ASAH2: variants seen among roughly 807,000 people sequenced by gnomAD.
ASAH2 encodes neutral ceramidase.
Under a neutral mutation model 82.9 loss-of-function variants are expected in ASAH2, and 58 were observed. The ratio of observed to expected loss-of-function variants is 0.70; its 90% CI spans 0.57 to 0.87. ASAH2 has a LOEUF of 0.87. Ranked by LOEUF, ASAH2 falls within the 40% of genes least tolerant of loss-of-function variation. The pLI, the probability that ASAH2 is intolerant of heterozygous loss-of-function variation, is 0.00. For missense variants in ASAH2, 779 were observed against 834.0 expected, an observed-to-expected ratio of 0.93 and a Z score of 0.81; for synonymous variants, 276 against 289.7, an observed-to-expected ratio of 0.95 and a Z score of 0.48.
At chr10:50,213,894 G>A (rs1389268561) in intron 9 of ASAH2, among the ~76,000 whole-genome samples, 1 of 152,030 alleles carries the variant, frequency 6.6e-6, no homozygotes, top group African/African-American at 2.4e-5. Context: ...CCCAGAAATA[G>A]TATACAAAAA....
chr10:50,232,853 C>T (rs1006924212), intron 7 of ASAH2, among the ~76,000 whole-genome samples: 7 of 152,074 alleles, frequency 4.6e-5, no homozygotes, highest in African/African-American at 1.7e-4. Context: ...ATGGAAGTTC[C>T]ACATGTGAGA....
At chr10:50,203,523 C>A in intron 15 of ASAH2, 117 bp downstream of exon 15, 1 of 924,104 alleles carries the variant, frequency 1.1e-6, no homozygotes, top group Non-Finnish European at 1.8e-6. Flanking sequence ...TTCATATTAA[C>A]CTTAGCCATT....
At position 50,246,968 on chromosome 10, in the gene ASAH2, C is replaced by A. The variant is rs61858169; in HGVS notation, c.128-1514G>T. 8.7e-3 allele frequency among the ~76,000 whole-genome samples: 1,320 copies of A among 152,170 alleles called. 10 individuals are homozygous for A. The highest frequency in any genetic ancestry group is 0.048 in the Middle Eastern group (14 of 294). On this transcript the variant is annotated intron_variant, in intron 2 of 20. Transcript: ENST00000682911. ...ATGTAAACAGTAGGACTAGCATCCA[C>A]CCTTATAGGATTTTTGTGAGAATTA...
chr10:50,208,561 T>C (rs1334946398), intron 12 of ASAH2, among the ~76,000 whole-genome samples: 4 of 145,540 alleles, frequency 2.7e-5, no homozygotes, highest in Non-Finnish European at 4.5e-5. Flanking sequence ...TACAATAGCA[T>C]AGAAAAGAGT....
chr10:50,205,073 C>G lies in ASAH2; in HGVS notation c.1531-118G>C, dbSNP rs989936166. ...AATTTATGATGTAGTATTAAATATT[C>G]TATATGGGCATTTATGTCCTAGTCA... is the stretch of plus-strand genomic sequence containing the variant. On this transcript the variant is annotated intron_variant, in intron 13 of 20. Coordinates refer to ENST00000682911, the MANE Select transcript of ASAH2 (RefSeq NM_019893.4). 42 of 651,854 alleles carry G rather than the reference C, an allele frequency of 6.4e-5. No homozygotes were observed. The Middle Eastern group carries it at 1.7e-3, about 27-fold the overall frequency. The allele number at this position is 651,854 out of a possible 1,614,324, so 40.4% of individuals were successfully genotyped here. A position where few individuals can be genotyped will look rare whatever the true frequency, so the allele number is the denominator to read the frequency against.
At chr10:50,238,562 G>GTC (rs200709637) in intron 4 of ASAH2, among the ~76,000 whole-genome samples, 51,266 of 151,860 alleles carry the variant, frequency 0.34, 10,565 homozygotes, top group Non-Finnish European at 0.45. Flanking sequence ...AAGAAGAAAT[G>GTC]TATAAAGAGA....
chr10:50,227,321 A>G (rs1229752991), intron 7 of ASAH2, among the ~76,000 whole-genome samples: 3 of 131,588 alleles, frequency 2.3e-5, no homozygotes, highest in East Asian at 2.3e-4. Flanking sequence ...GGATCACTGC[A>G]AAAACAAACA....
intron 18 of ASAH2, among the ~76,000 whole-genome samples, chr10:50,194,897 G>C (rs1431042155): frequency 1.3e-5 from 2 of 150,814 alleles, no homozygotes; most frequent in Admixed American, 1.3e-4. Flanking sequence ...ACTCAAAATT[G>C]ATTAAAGATT....
intron 7 of ASAH2, among the ~76,000 whole-genome samples, chr10:50,225,419 C>A (rs1022877572): frequency 0.21 from 31,830 of 151,908 alleles, 4,230 homozygotes; most frequent in East Asian, 0.41. Context: ...CTCTGTCAAA[C>A]AATAAAAATT....
chr10:50,225,341 C>G (rs1845850393), intron 7 of ASAH2, among the ~76,000 whole-genome samples: 1 of 152,074 alleles, frequency 6.6e-6, no homozygotes, highest in Non-Finnish European at 1.5e-5. Context: ...ACTTGAACCC[C>G]CAGGAGGCAG....
In ASAH2 at chr10:50,199,078, G is replaced by A; in HGVS notation, c.1830C>T (p.Phe610=). Residue 610 remains phenylalanine, a synonymous_variant, in exon 17 of 21, where the codon TTC becomes TTT. Coordinates refer to ENST00000682911, the MANE Select transcript of ASAH2 (RefSeq NM_019893.4). ...TAGCAATAGCCTTAGCAAGGTTTCT[G>A]AAGAGCTGAATGTAAGCAGATAATG... ...PHTLSAYIQL[F]RNLAKAIATD... 1 of 1,613,288 alleles carries A rather than the reference G, an allele frequency of 6.2e-7. No homozygotes were observed. Among genetic ancestry groups the A allele is most frequent in the Non-Finnish European group, 8.5e-7 (1 of 1,179,504 alleles).
In ASAH2 at chr10:50,225,438, A is replaced by T. The variant is rs978575176; in HGVS notation, c.894-6808T>A. On this transcript the variant is annotated intron_variant, in intron 7 of 20. Coordinates refer to ENST00000682911, the MANE Select transcript of ASAH2 (RefSeq NM_019893.4). ...GTCAAACAATAAAAATTAAAAAATTAAAAAATCCTTGCACATTACATGGTA... is the reference window on the plus strand; with the variant it reads ...GTCAAACAATAAAAATTAAAAAATTTAAAAATCCTTGCACATTACATGGTA... Among the ~76,000 whole-genome samples, 12 of 152,294 alleles carry T rather than the reference A, an allele frequency of 7.9e-5. No homozygotes were observed. The Middle Eastern group carries it at 0.01, about 130-fold the overall frequency.
intron 18 of ASAH2, among the ~76,000 whole-genome samples, chr10:50,195,710 T>C (rs1210951058): frequency 1.3e-5 from 2 of 151,796 alleles, no homozygotes; most frequent in Non-Finnish European, 2.9e-5. Flanking sequence ...TACTATTCAG[T>C]CATAAATAAG....
rs1370881909 is a variant in ASAH2 at position 50,187,118 on chromosome 10, T to TCTCACA, written c.*196_*197insTGTGAG. ...CTCTCTCTCTCTCTCTCTCTCTCTC[T>TCTCACA]CACACACACACACACACACACACAC... is the stretch of plus-strand genomic sequence containing the variant. On this transcript the variant is annotated 3_prime_UTR_variant, in exon 21 of 21. Transcript: ENST00000682911. 334 of 157,358 alleles carry TCTCACA rather than the reference T, an allele frequency of 2.1e-3. No homozygotes were observed. Among genetic ancestry groups the TCTCACA allele is most frequent in the Non-Finnish European group, 3.0e-3 (264 of 87,388 alleles). The allele number at this position is 157,358 out of a possible 1,614,324, so 9.7% of individuals were successfully genotyped here. A position where few individuals can be genotyped will look rare whatever the true frequency, so the allele number is the denominator to read the frequency against.
rs1564855490 is a variant in ASAH2 at position 50,248,564 on chromosome 10, A to AG, written c.46dup (p.Leu16ProfsTer24). 1 of 1,613,704 alleles carries AG rather than the reference A, an allele frequency of 6.2e-7. No homozygotes were observed. Among genetic ancestry groups the AG allele is most frequent in the African/African-American group, 1.3e-5 (1 of 75,052 alleles). ...TGTGATGGCACTCATCATTACAAGG[A>AG]GGAAAATCAGGAATGTCTCCAAGTT... On this transcript the variant is annotated frameshift_variant, in exon 2 of 21. Transcript: ENST00000682911. LOFTEE classifies it high-confidence loss of function.
At chr10:50,217,927 C>T (rs1186734808) in intron 8 of ASAH2, among the ~76,000 whole-genome samples, 4 of 152,076 alleles carry the variant, frequency 2.6e-5, no homozygotes, top group Admixed American at 1.3e-4. Context: ...GAGTTCAAGA[C>T]CAGCCTGACC....
At chr10:50,199,831 C>T (rs1845093897) in intron 16 of ASAH2, among the ~76,000 whole-genome samples, 1 of 151,616 alleles carries the variant, frequency 6.6e-6, no homozygotes, top group Admixed American at 6.6e-5. Flanking sequence ...TCCTTCAAAT[C>T]TCCTGAGATC....
At chr10:50,244,788 C>A (rs1057125920) in intron 3 of ASAH2, among the ~76,000 whole-genome samples, 3 of 152,086 alleles carry the variant, frequency 2.0e-5, no homozygotes, top group Admixed American at 6.5e-5. Flanking sequence ...AGCCCTGAGC[C>A]CCCATTTCTT....
chr10:50,212,749 G>T (rs902912752), intron 10 of ASAH2, among the ~76,000 whole-genome samples: 1 of 152,046 alleles, frequency 6.6e-6, no homozygotes, highest in Non-Finnish European at 1.5e-5. Flanking sequence ...CTGATTACTT[G>T]GTTTTAAATG....
Sources: gnomAD v4.1 joint callset for allele counts (sites outside exome capture counted in the v4.1 genomes callset) on GRCh38, gnomAD v4.1.1 for gene constraint, MANE v1.5 for transcripts, NCBI Gene and HGNC (gene_info 2026-07-23, HGNC 2026-07-21) for gene names.